The following GADL1 variants were observed in gnomAD, a reference collection of about 807,000 sequenced individuals.
The protein encoded by GADL1 is acidic amino acid decarboxylase GADL1.
GADL1 carries 71 observed loss-of-function variants against 69.5 expected under a neutral mutation model. The ratio of observed to expected loss-of-function variants is 1.02; its 90% CI spans 0.84 to 1.25. GADL1 has a LOEUF of 1.25. Among genes scored for constraint, GADL1 ranks in the 50% most tolerant of loss-of-function variants. The pLI, the probability that GADL1 is intolerant of heterozygous loss-of-function variation, is 0.00. For missense variants in GADL1, 737 were observed against 631.8 expected, an observed-to-expected ratio of 1.17 and a Z score of -1.79; for synonymous variants, 254 against 214.4, an observed-to-expected ratio of 1.18 and a Z score of -1.62.
At chr3:30,805,585 A>C (rs1453453296) in intron 11 of GADL1, among the ~76,000 whole-genome samples, 1 of 152,138 alleles carries the variant, frequency 6.6e-6, no homozygotes, top group Non-Finnish European at 1.5e-5. Context: ...TATGTGAAAG[A>C]ATGAATCCGT....
At chr3:30,838,937 T>A in intron 9 of GADL1, 60 bp downstream of exon 9, 1 of 1,033,020 alleles carries the variant, frequency 9.7e-7, no homozygotes, top group South Asian at 1.6e-5. Flanking sequence ...AAGAAAAATT[T>A]CTACCAAGGC....
At chr3:30,752,727 G>A (rs945319504) in intron 14 of GADL1, among the ~76,000 whole-genome samples, 2 of 152,196 alleles carry the variant, frequency 1.3e-5, no homozygotes, top group Non-Finnish European at 2.9e-5. Flanking sequence ...CCAGCTCTTA[G>A]TTCCTTTGAG....
At chr3:30,868,942 G>C (rs1438908738) in intron 1 of GADL1, among the ~76,000 whole-genome samples, 1 of 151,814 alleles carries the variant, frequency 6.6e-6, no homozygotes, top group African/African-American at 2.4e-5. Context: ...ACCAAGGGAG[G>C]CAGAAGGGTC....
At chr3:30,809,267 A>G (rs1451104392) in intron 11 of GADL1, among the ~76,000 whole-genome samples, 2 of 152,110 alleles carry the variant, frequency 1.3e-5, no homozygotes, top group African/African-American at 4.8e-5. Context: ...TCTGCTGTAG[A>G]TTTTTCATTC....
chr3:30,754,206 T>C (rs6550020), intron 14 of GADL1, among the ~76,000 whole-genome samples: 79,183 of 152,024 alleles, frequency 0.52, 23,639 homozygotes, highest in African/African-American at 0.83. Flanking sequence ...TTTGCTTTCC[T>C]CATGGATTAC....
rs538958458 is a variant in GADL1 at position 30,739,072 on chromosome 3, C to T, written c.1393-10657G>A. On this transcript the variant is annotated intron_variant, in intron 14 of 14. Transcript: ENST00000282538. Reference sequence around the variant, plus strand: ...GCAGCACAGGCACAGATGTGGGAAGCGGCCCCAGTGTTGGCACAGCAATAA... The same window carrying T: ...GCAGCACAGGCACAGATGTGGGAAGTGGCCCCAGTGTTGGCACAGCAATAA... 9.8e-5 allele frequency among the ~76,000 whole-genome samples: 15 copies of T among 152,304 alleles called. No homozygotes were observed. In the South Asian group the frequency reaches 1.7e-3, roughly 17 times the overall value.
At chr3:30,768,304 C>A (rs1313197595) in intron 14 of GADL1, among the ~76,000 whole-genome samples, 1 of 151,984 alleles carries the variant, frequency 6.6e-6, no homozygotes, top group Non-Finnish European at 1.5e-5. Flanking sequence ...CCTAAATGCC[C>A]CAAATTGAGA....
intron 14 of GADL1, among the ~76,000 whole-genome samples, chr3:30,756,018 C>G (rs572539985): frequency 1.8e-4 from 27 of 152,178 alleles, no homozygotes; most frequent in African/African-American, 6.3e-4. Context: ...ACCCAGGCCT[C>G]GCAGGAGAAA....
intron 1 of GADL1, among the ~76,000 whole-genome samples, chr3:30,882,365 T>G (rs993987191): frequency 6.6e-6 from 1 of 151,884 alleles, no homozygotes; most frequent in Non-Finnish European, 1.5e-5. Flanking sequence ...CCACTGGAAA[T>G]CACCATCCTG....
At chr3:30,821,449 G>A (rs1039309846) in intron 11 of GADL1, among the ~76,000 whole-genome samples, 4 of 151,952 alleles carry the variant, frequency 2.6e-5, no homozygotes, top group Admixed American at 2.0e-4. Flanking sequence ...CAGTAGATAT[G>A]AAACTGGTCA....
intron 1 of GADL1, among the ~76,000 whole-genome samples, chr3:30,872,783 C>G (rs994610949): frequency 5.3e-5 from 8 of 151,902 alleles, no homozygotes; most frequent in Non-Finnish European, 1.2e-4. Flanking sequence ...TTTTGGTGAG[C>G]AAGAGTCATT....
At chr3:30,842,560 G>A (rs1470347410) in intron 8 of GADL1, among the ~76,000 whole-genome samples, 3 of 151,726 alleles carry the variant, frequency 2.0e-5, no homozygotes, top group South Asian at 2.1e-4. Context: ...GAGAAAGGGA[G>A]GAAGGAAGGA....
intron 6 of GADL1, among the ~76,000 whole-genome samples, chr3:30,847,905 T>G (rs1197675050): frequency 6.6e-6 from 1 of 152,192 alleles, no homozygotes; most frequent in African/African-American, 2.4e-5. Context: ...GTTCTAGGCT[T>G]CCACGTAATA....
intron 1 of GADL1, among the ~76,000 whole-genome samples, chr3:30,866,012 T>G (rs945152517): frequency 6.6e-6 from 1 of 152,084 alleles, no homozygotes; most frequent in African/African-American, 2.4e-5. Flanking sequence ...CAATTCAGCT[T>G]CAAATATTGT....
intron 1 of GADL1, among the ~76,000 whole-genome samples, chr3:30,877,753 T>G (rs1340110893): frequency 1.3e-5 from 2 of 151,948 alleles, no homozygotes; most frequent in East Asian, 1.9e-4. Flanking sequence ...GACTTTGATT[T>G]GACTTTTGTC....
intron 12 of GADL1, among the ~76,000 whole-genome samples, chr3:30,796,552 C>T (rs1331322655): frequency 6.6e-6 from 1 of 152,094 alleles, no homozygotes. Flanking sequence ...AAACTTTCCT[C>T]GGGATTGTTG....
At chr3:30,826,455 G>C (rs936271288) in intron 11 of GADL1, among the ~76,000 whole-genome samples, 1 of 151,768 alleles carries the variant, frequency 6.6e-6, no homozygotes, top group African/African-American at 2.4e-5. Flanking sequence ...ACACCCTCAG[G>C]GTTCTGCACA....
intron 6 of GADL1, among the ~76,000 whole-genome samples, chr3:30,847,386 C>A (rs1250985224): frequency 6.6e-6 from 1 of 152,102 alleles, no homozygotes; most frequent in Non-Finnish European, 1.5e-5. Context: ...CTGGAAAAGA[C>A]TACCTAATAT....
At position 30,784,799 on chromosome 3, in the gene GADL1, G is replaced by T. The variant is rs1057132017; in HGVS notation, c.1302+1556C>A. ...TAAAACATCTCCAGTGACTACATTC[G>T]GGATACAGGCTAAAGGCCTCACCTT... is the stretch of plus-strand genomic sequence containing the variant. On this transcript the variant is annotated intron_variant, in intron 13 of 14. Transcript: ENST00000282538. 2.0e-5 allele frequency among the ~76,000 whole-genome samples: 3 copies of T among 152,014 alleles called. No individual in the cohort carries two copies. In the East Asian group the frequency reaches 5.8e-4, roughly 29 times the overall value.
Sources: gnomAD v4.1 joint callset for allele counts (sites outside exome capture counted in the v4.1 genomes callset) on GRCh38, gnomAD v4.1.1 for gene constraint, MANE v1.5 for transcripts, NCBI Gene and HGNC (gene_info 2026-07-23, HGNC 2026-07-21) for gene names.